Variants in LRCH1 observed in about 807,000 individuals in gnomAD.
LRCH1 encodes the protein leucine-rich repeat and calponin homology domain-containing protein 1.
In LRCH1, 23 loss-of-function variants were observed where a neutral mutation model predicts 94.9. That is an observed-to-expected ratio of 0.24 (90% CI 0.17 to 0.34). The LOEUF is 0.34. Ranked by LOEUF, LRCH1 falls within the 10% of genes least tolerant of loss-of-function variation. The probability of loss-of-function intolerance (pLI) is 1.00; values close to 1 mark genes in which losing one functional copy is unlikely to be tolerated. For synonymous variants in LRCH1, 364 were observed against 354.9 expected (o/e 1.03, Z -0.29); for missense variants, 790 against 945.9 (o/e 0.84, Z 2.16).
intron 1 of LRCH1, among the ~76,000 whole-genome samples, chr13:46,595,468 C>T (rs114189793): frequency 2.0e-5 from 3 of 152,156 alleles, no homozygotes; most frequent in Admixed American, 1.3e-4. Context: ...TTTATATGTA[C>T]GTCAGCATTT....
intron 2 of LRCH1, among the ~76,000 whole-genome samples, chr13:46,657,401 T>TTTTA (rs201530694): frequency 0.026 from 3,815 of 148,750 alleles, 85 homozygotes; most frequent in South Asian, 0.055. Context: ...TTTTTTTTTT[T>TTTTA]AAAACATACA....
chr13:46,567,362 AT>A lies in LRCH1; in HGVS notation c.307+13667del, dbSNP rs200712587. ...GCACAAGATTATGGCTAAAAAACAG[AT>A]TTTTTTTGAGTGCATGCAAATCAAA... On this transcript the variant is annotated intron_variant, in intron 1 of 19. Transcript: ENST00000389797. Among the ~76,000 whole-genome samples, 222 of 152,124 alleles carry A rather than the reference AT, an allele frequency of 1.5e-3. 3 individuals are homozygous for A. In the East Asian group the frequency reaches 0.034, roughly 23 times the overall value.
At chr13:46,554,131 C>T (rs9567701) in intron 1 of LRCH1, among the ~76,000 whole-genome samples, 32,531 of 152,252 alleles carry the variant, frequency 0.21, 3,502 homozygotes, top group Middle Eastern at 0.33. Context: ...GGCGTCGGCG[C>T]CTCCAACCAG....
At chr13:46,654,398 T>C (rs1462070710) in intron 2 of LRCH1, among the ~76,000 whole-genome samples, 1 of 152,164 alleles carries the variant, frequency 6.6e-6, no homozygotes, top group Admixed American at 6.5e-5. Context: ...ATATATTTTG[T>C]TGGGTATGGT....
chr13:46,735,776 T>C lies in LRCH1; in HGVS notation c.2085+1778T>C, dbSNP rs564214257. Reference sequence around the variant, plus strand: ...GTTTAAGGCTTGAGGTGATTTTCCTTTTTTTCTTTTTCTTTTCTTTTTTTT... The same window carrying C: ...GTTTAAGGCTTGAGGTGATTTTCCTCTTTTTCTTTTTCTTTTCTTTTTTTT... On this transcript the variant is annotated intron_variant, in intron 19 of 19. Transcript: ENST00000389797. 2.8e-3 allele frequency among the ~76,000 whole-genome samples: 408 copies of C among 143,638 alleles called. 3 individuals are homozygous for C. The highest frequency in any genetic ancestry group is 0.01 in the African/African-American group (398 of 39,584). 94.2% of individuals were successfully genotyped at this position (143,638 alleles called of 152,430 possible). A position where few individuals can be genotyped will look rare whatever the true frequency, so the allele number is the denominator to read the frequency against.
chr13:46,669,469 TA>T (rs1344779498), intron 3 of LRCH1, among the ~76,000 whole-genome samples: 1 of 152,206 alleles, frequency 6.6e-6, no homozygotes, highest in Admixed American at 6.5e-5. Context: ...TGTAAAAAAT[TA>T]TGGCTAAACT....
intron 1 of LRCH1, among the ~76,000 whole-genome samples, chr13:46,606,228 G>A (rs2050685937): frequency 6.6e-6 from 1 of 151,746 alleles, no homozygotes; most frequent in Non-Finnish European, 1.5e-5. Flanking sequence ...TTTTGACCAT[G>A]TAGAACACAG....
At chr13:46,668,275 A>T (rs2051547717) in intron 2 of LRCH1, among the ~76,000 whole-genome samples, 1 of 152,106 alleles carries the variant, frequency 6.6e-6, no homozygotes, top group Non-Finnish European at 1.5e-5. Context: ...AAGTTCAGAA[A>T]CTTCTGGGTA....
At chr13:46,637,837 G>C (rs1008432398) in intron 1 of LRCH1, among the ~76,000 whole-genome samples, 1 of 152,138 alleles carries the variant, frequency 6.6e-6, no homozygotes, top group Non-Finnish European at 1.5e-5. Context: ...GGATTTCCTT[G>C]CCAGCGTTCG....
chr13:46,650,560 GT>G lies in LRCH1; in HGVS notation c.452+224del, dbSNP rs575313226. On this transcript the variant is annotated intron_variant, in intron 2 of 19. Transcript: ENST00000389797. ...CTTCCCTGAATATGAATAAGACAAG[GT>G]TTTTTTTTAAAAAAATGATTTATAT... 2.2e-3 allele frequency among the ~76,000 whole-genome samples: 138 copies of G among 63,164 alleles called. 1 individual carries two copies. Among genetic ancestry groups the G allele is most frequent in the East Asian group, 6.9e-3 (7 of 1,020 alleles). 41.4% of individuals were successfully genotyped at this position (63,164 alleles called of 152,430 possible).
intron 1 of LRCH1, among the ~76,000 whole-genome samples, chr13:46,589,453 A>AT (rs1334947521): frequency 6.6e-6 from 1 of 152,108 alleles, no homozygotes; most frequent in Non-Finnish European, 1.5e-5. Context: ...CCATATTTAA[A>AT]TTTATCTAGT....
chr13:46,712,697 T>C (rs1872132383), intron 15 of LRCH1, 100 bp downstream of exon 15: 1 of 1,095,432 alleles, frequency 9.1e-7, no homozygotes, highest in African/African-American at 1.6e-5. Flanking sequence ...CCTTGTCAGT[T>C]CTGCTGAGCC....
chr13:46,638,095 G>A (rs2051114175), intron 1 of LRCH1, among the ~76,000 whole-genome samples: 1 of 152,120 alleles, frequency 6.6e-6, no homozygotes, highest in African/African-American at 2.4e-5. Context: ...ATGTATAGAT[G>A]AAATTATAAT....
chr13:46,611,661 A>G (rs1173214612), intron 1 of LRCH1, among the ~76,000 whole-genome samples: 1 of 152,250 alleles, frequency 6.6e-6, no homozygotes, highest in Non-Finnish European at 1.5e-5. Context: ...GTGAGTGTAA[A>G]ATACATGCTA....
chr13:46,628,229 T>G (rs1268605720), intron 1 of LRCH1, among the ~76,000 whole-genome samples: 1 of 151,952 alleles, frequency 6.6e-6, no homozygotes, highest in Non-Finnish European at 1.5e-5. Flanking sequence ...GGCTGCTTGA[T>G]GGAAGGGGAT....
In LRCH1 at chr13:46,689,284, G is replaced by A. The variant is rs1237058089; in HGVS notation, c.1014+88G>A. 3.3e-5 allele frequency: 30 copies of A among 921,394 alleles called. No homozygotes were observed. In the South Asian group the frequency reaches 3.9e-4, roughly 12 times the overall value. The allele number at this position is 921,394 out of a possible 1,614,324, so 57.1% of individuals were successfully genotyped here. A position where few individuals can be genotyped will look rare whatever the true frequency, so the allele number is the denominator to read the frequency against. On this transcript the variant is annotated intron_variant, in intron 7 of 19. Transcript: ENST00000389797. The stretch of plus-strand genomic sequence containing the variant: ...GAACTCCTTTCTGTTAAAGGGCATC[G>A]ATTCATTTGTATATTCATGTGATAT...
At chr13:46,653,861 T>G (rs1404324819) in intron 2 of LRCH1, among the ~76,000 whole-genome samples, 3 of 151,986 alleles carry the variant, frequency 2.0e-5, no homozygotes, top group Non-Finnish European at 4.4e-5. Flanking sequence ...ATAAAAATAT[T>G]AATGAGAGTA....
At chr13:46,688,076 A>G in intron 6 of LRCH1, 97 bp downstream of exon 6, 2 of 1,251,596 alleles carry the variant, frequency 1.6e-6, no homozygotes, top group Middle Eastern at 4.0e-4. Flanking sequence ...TTAAGTCACC[A>G]TGGTATCTGC....
chr13:46,688,452 C>T (rs1050043638), intron 6 of LRCH1, among the ~76,000 whole-genome samples: 1 of 152,194 alleles, frequency 6.6e-6, no homozygotes, highest in Non-Finnish European at 1.5e-5. Context: ...TTTGTCGCCA[C>T]TTCCTGTTTC....
Sources: allele counts gnomAD v4.1 joint callset (sites outside exome capture counted in the v4.1 genomes callset), GRCh38; gene constraint gnomAD v4.1.1; transcripts MANE v1.5; gene names NCBI Gene and HGNC (gene_info 2026-07-23, HGNC 2026-07-21).